The following FMN2 variants were observed in gnomAD, a reference collection of about 807,000 sequenced individuals.
The protein encoded by FMN2 is formin-2.
Under a neutral mutation model 142.3 loss-of-function variants are expected in FMN2, and 51 were observed. The observed-to-expected ratio is 0.36, with a 90% confidence interval of 0.29 to 0.45. The LOEUF is 0.45. FMN2 is among the 20% of genes least tolerant of loss of function. FMN2 has a pLI of 1.00. For missense variants in FMN2, 1,936 were observed against 2,122.8 expected, an observed-to-expected ratio of 0.91 and a Z score of 1.73; for synonymous variants, 882 against 869.8, an observed-to-expected ratio of 1.01 and a Z score of -0.25.
rs556426890 is a variant in FMN2, at chr1:240,183,294, G to C, written c.1931-4913G>C. 8.4e-4 allele frequency among the ~76,000 whole-genome samples: 128 copies of C among 151,666 alleles called. 1 individual carries two copies. Among genetic ancestry groups the C allele is most frequent in the Non-Finnish European group, 1.4e-3 (97 of 67,944 alleles). On this transcript the variant is annotated intron_variant, in intron 3 of 17. Transcript: ENST00000319653. ...AGAAATTCTATAAGGGACCAGGGGA[G>C]ACTTGGTAGTATTCTATCTCTCTGA... is the stretch of plus-strand genomic sequence containing the variant.
chr1:240,418,052 G>A (rs965424982), intron 15 of FMN2, among the ~76,000 whole-genome samples: 11 of 151,796 alleles, frequency 7.2e-5, no homozygotes, highest in Admixed American at 3.3e-4. Context: ...GGCATATATT[G>A]TCCATCTATT....
chr1:240,226,893 G>GA (rs1174056326), intron 6 of FMN2, among the ~76,000 whole-genome samples: 1 of 151,980 alleles, frequency 6.6e-6, no homozygotes, highest in African/African-American at 2.4e-5. Flanking sequence ...TAGCATCTGT[G>GA]AAAAACCCAG....
chr1:240,312,068 C>CAA (rs1409346325), intron 8 of FMN2, among the ~76,000 whole-genome samples: 2 of 152,220 alleles, frequency 1.3e-5, no homozygotes, highest in Non-Finnish European at 2.9e-5. Flanking sequence ...AGAGCAGTTT[C>CAA]ATGTTCACAT....
intron 8 of FMN2, among the ~76,000 whole-genome samples, chr1:240,318,790 C>T (rs1448528557): frequency 5.3e-5 from 8 of 151,950 alleles, no homozygotes; most frequent in Non-Finnish European, 8.8e-5. Context: ...TGAGAGATGG[C>T]GGTTTGGACA....
At chr1:240,434,346 A>G (rs1675280608) in intron 15 of FMN2, among the ~76,000 whole-genome samples, 2 of 152,086 alleles carry the variant, frequency 1.3e-5, no homozygotes, top group Admixed American at 1.3e-4. Context: ...AGAAGGAAAT[A>G]ATTCAGAAAA....
chr1:240,100,913 C>G (rs186793799), intron 1 of FMN2, among the ~76,000 whole-genome samples: 9 of 152,326 alleles, frequency 5.9e-5, no homozygotes, highest in Admixed American at 5.2e-4. Context: ...AGGCACTACT[C>G]AGTTGAGTCT....
In FMN2 at chr1:240,207,220, C is replaced by T. The variant is rs1409100322; in HGVS notation, c.2408C>T (p.Pro803Leu). 2.5e-6 allele frequency: 4 copies of T among 1,613,886 alleles called. No individual in the cohort carries two copies. The highest frequency in any genetic ancestry group is 3.4e-6 in the Non-Finnish European group (4 of 1,179,950). The change falls in exon 5 of 18, where the codon CCC becomes CTC. Residue 803 changes from proline (P) to leucine (L), a missense_variant. Pro to Leu is a moderately conservative substitution (Grantham distance 98). Coordinates refer to ENST00000319653, the MANE Select transcript of FMN2 (RefSeq NM_020066.5). ...RISVQLDSHQPTQSISQPPPP... is the reference protein window; with the variant it reads ...RISVQLDSHQLTQSISQPPPP... ...TCAGTCCAGCTCGACAGCCATCAGC[C>T]CACACAGAGCATCTCACAGCCTCCA...
chr1:240,154,999 C>T (rs570493391), intron 2 of FMN2, among the ~76,000 whole-genome samples: 5 of 151,380 alleles, frequency 3.3e-5, no homozygotes, highest in Non-Finnish European at 7.4e-5. Context: ...CAATCCCCCC[C>T]CCGACCTTGA....
intron 4 of FMN2, among the ~76,000 whole-genome samples, chr1:240,195,071 T>A (rs1411763869): frequency 2.6e-5 from 4 of 152,250 alleles, no homozygotes; most frequent in African/African-American, 4.8e-5. Context: ...TTTTGAAAGT[T>A]GCTTTCATTG....
chr1:240,302,393 G>A (rs1670230425), intron 8 of FMN2, among the ~76,000 whole-genome samples: 1 of 151,244 alleles, frequency 6.6e-6, no homozygotes, highest in Non-Finnish European at 1.5e-5. Context: ...ACTTATCAAG[G>A]GACAAGTCCA....
intron 2 of FMN2, among the ~76,000 whole-genome samples, chr1:240,154,129 A>AAAG (rs3047194): frequency 0.047 from 4,749 of 100,282 alleles, 444 homozygotes; most frequent in Middle Eastern, 0.12. Context: ...AAAAAAAAAA[A>AAAG]AAGTGTTACT....
chr1:240,373,136 A>T (rs1672928869), intron 14 of FMN2, among the ~76,000 whole-genome samples: 1 of 151,606 alleles, frequency 6.6e-6, no homozygotes, highest in African/African-American at 2.4e-5. Flanking sequence ...GTGAGCCGAG[A>T]TCTCACCACT....
chr1:240,092,090 C>T lies in FMN2; in HGVS notation c.-20C>T, dbSNP rs764101665. On this transcript the variant is annotated 5_prime_UTR_variant, in exon 1 of 18. Transcript: ENST00000319653. ...GGCCTGAGTGCCCGCGGCGCGGCGG[C>T]GCAGCAGCGGGATTGCACCATGGGG... is the stretch of plus-strand genomic sequence containing the variant. The T allele has an allele frequency of 2.1e-5, 33 of 1,537,262 alleles. No individual in the cohort carries two copies. The highest frequency in any genetic ancestry group is 1.9e-4 in the Middle Eastern group (1 of 5,400).
At chr1:240,098,540 A>T (rs1661303050) in intron 1 of FMN2, among the ~76,000 whole-genome samples, 1 of 152,158 alleles carries the variant, frequency 6.6e-6, no homozygotes, top group African/African-American at 2.4e-5. Flanking sequence ...ATGTCTGACG[A>T]ATGAAGGTCA....
chr1:240,161,512 G>A (rs549492539), intron 2 of FMN2, among the ~76,000 whole-genome samples: 32 of 150,970 alleles, frequency 2.1e-4, no homozygotes, highest in African/African-American at 6.8e-4. Flanking sequence ...CAGCCTGGGC[G>A]ACAGAGGGAG....
intron 8 of FMN2, among the ~76,000 whole-genome samples, chr1:240,312,459 C>T (rs1419010465): frequency 1.3e-5 from 2 of 152,166 alleles, no homozygotes; most frequent in Non-Finnish European, 2.9e-5. Flanking sequence ...ATTCACTTTT[C>T]TTTACTCCCA....
intron 15 of FMN2, among the ~76,000 whole-genome samples, chr1:240,423,354 AT>A: frequency 6.6e-6 from 1 of 152,274 alleles, no homozygotes; most frequent in South Asian, 2.1e-4. Context: ...TCCTCTTGAG[AT>A]TTTAGTTTGT....
At chr1:240,276,396 G>A (rs1006179112) in intron 7 of FMN2, among the ~76,000 whole-genome samples, 3 of 152,188 alleles carry the variant, frequency 2.0e-5, no homozygotes, top group African/African-American at 7.2e-5. Flanking sequence ...GTGTTAGGAT[G>A]TAAGGGAAGA....
chr1:240,464,118 G>A (rs1320722368), intron 16 of FMN2, among the ~76,000 whole-genome samples: 1 of 152,164 alleles, frequency 6.6e-6, no homozygotes, highest in African/African-American at 2.4e-5. Context: ...AAGGAGGACT[G>A]GTGGCTTTTT....
Sources: gnomAD v4.1 joint callset for allele counts (sites outside exome capture counted in the v4.1 genomes callset) on GRCh38, gnomAD v4.1.1 for gene constraint, MANE v1.5 for transcripts, NCBI Gene and HGNC (gene_info 2026-07-23, HGNC 2026-07-21) for gene names.